Variants in MYLK observed in about 807,000 individuals in gnomAD.
The protein encoded by MYLK is myosin light chain kinase, also known as myosin light chain kinase, smooth muscle.
Under a neutral mutation model 203.4 loss-of-function variants are expected in MYLK, and 106 were observed. That is an observed-to-expected ratio of 0.52 (90% CI 0.45 to 0.61). The LOEUF (loss-of-function observed/expected upper bound fraction) is 0.61. MYLK is among the 20% of genes least tolerant of loss of function. The probability of loss-of-function intolerance (pLI) is 0.00; values close to 1 mark genes in which losing one functional copy is unlikely to be tolerated. For synonymous variants in MYLK, 867 were observed against 959.5 expected (o/e 0.90, Z 1.78); for missense variants, 2,072 against 2,442.3 (o/e 0.85, Z 3.20).
chr3:123,817,322 A>G (rs570106127), intron 3 of MYLK, among the ~76,000 whole-genome samples: 8 of 152,166 alleles, frequency 5.3e-5, no homozygotes, highest in Non-Finnish European at 1.2e-4. Flanking sequence ...ACTTCTGGGG[A>G]GTCTTTAGCC....
rs577381446 is a variant in MYLK at position 123,797,075 on chromosome 3, C to T, written c.-3-3231G>A. Among the ~76,000 whole-genome samples the T allele has an allele frequency of 5.9e-5, 9 of 152,030 alleles. No homozygotes were observed. The East Asian group carries it at 1.5e-3, about 26-fold the overall frequency. On this transcript the variant is annotated intron_variant, in intron 3 of 33. Transcript: ENST00000360304. ...AGGTGGTTTTATGGGTACATATTTA[C>T]AGGGAAAATAATGATAAGAATTTGA...
intron 3 of MYLK, among the ~76,000 whole-genome samples, chr3:123,828,382 G>C (rs1272163737): frequency 6.6e-6 from 1 of 152,054 alleles, no homozygotes; most frequent in Non-Finnish European, 1.5e-5. Context: ...AGATGGTGCT[G>C]GGAAAACTGG....
chr3:123,749,074 A>AATACATACATACATACATAC (rs60797453), intron 5 of MYLK, among the ~76,000 whole-genome samples: 3 of 142,244 alleles, frequency 2.1e-5, no homozygotes, highest in Admixed American at 7.1e-5. Flanking sequence ...GTCTCAGAAA[A>AATACATACATACATACATAC]ATACATACAT....
At chr3:123,703,009 C>T (rs919952968) in intron 16 of MYLK, among the ~76,000 whole-genome samples, 1 of 152,186 alleles carries the variant, frequency 6.6e-6, no homozygotes, top group Non-Finnish European at 1.5e-5. Context: ...ATCAACCATA[C>T]ACATGATGTA....
chr3:123,868,208 G>C (rs2032468943), intron 2 of MYLK, among the ~76,000 whole-genome samples: 1 of 152,102 alleles, frequency 6.6e-6, no homozygotes. Context: ...TTTTAAATGG[G>C]AACCATCCTT....
chr3:123,812,341 T>A (rs1490650393), intron 3 of MYLK, among the ~76,000 whole-genome samples: 1 of 152,206 alleles, frequency 6.6e-6, no homozygotes, highest in Admixed American at 6.5e-5. Flanking sequence ...AGTTTAAGAC[T>A]TTGCAGTGGT....
chr3:123,727,665 G>A (rs1049769438), intron 11 of MYLK, among the ~76,000 whole-genome samples: 1 of 152,202 alleles, frequency 6.6e-6, no homozygotes, highest in Non-Finnish European at 1.5e-5. Context: ...AGGGATGAAA[G>A]AGAGTGGAGG....
rs2108323798 is a variant in MYLK, at chr3:123,664,124, C to G, written c.3966G>C (p.Gln1322His). 1.9e-6 allele frequency: 3 copies of G among 1,614,058 alleles called. No individual in the cohort carries two copies. Among genetic ancestry groups the G allele is most frequent in the Middle Eastern group, 1.6e-4 (1 of 6,062 alleles). The change falls in exon 23 of 34, where the codon CAG (glutamine) becomes CAC (histidine). Residue 1322 changes from glutamine to histidine, a missense_variant. Physicochemically the swap from Gln to His is conservative, Grantham distance 24 (BLOSUM62 0). Coordinates refer to ENST00000360304, the MANE Select transcript of MYLK (RefSeq NM_053025.4). ...VENKLGSRQA[Q>H]VNLTVVDKPD... Reference sequence around the variant, plus strand: ...ACTCACCCACGACAGTGAGGTTGACCTGGGCCTGCCTGCTGCCCAGCTTGT... The same window carrying G: ...ACTCACCCACGACAGTGAGGTTGACGTGGGCCTGCCTGCTGCCCAGCTTGT...
chr3:123,792,521 T>C lies in MYLK; in HGVS notation c.165+1156A>G, dbSNP rs116384909. ...AGATATTCCTATTCTGGACATTTCA[T>C]ATAAATAGAATCCTATAATCAGTGG... On this transcript the variant is annotated intron_variant, in intron 4 of 33. Coordinates refer to ENST00000360304, the MANE Select transcript of MYLK (RefSeq NM_053025.4). 6.5e-3 allele frequency among the ~76,000 whole-genome samples: 996 copies of C among 152,314 alleles called. 19 individuals carry two copies. Among genetic ancestry groups the C allele is most frequent in the African/African-American group, 0.023 (965 of 41,560 alleles).
chr3:123,866,073 C>T (rs979434819), intron 2 of MYLK, among the ~76,000 whole-genome samples: 2 of 152,214 alleles, frequency 1.3e-5, no homozygotes, highest in Non-Finnish European at 2.9e-5. Flanking sequence ...ATGATCCAAG[C>T]CCCTAGCTGT....
intron 5 of MYLK, among the ~76,000 whole-genome samples, chr3:123,748,448 T>G (rs1384663538): frequency 1.3e-5 from 2 of 152,204 alleles, no homozygotes; most frequent in Non-Finnish European, 2.9e-5. Flanking sequence ...TAAACCTTGT[T>G]TATTCCTATT....
At chr3:123,765,190 T>A (rs770998034) in intron 4 of MYLK, among the ~76,000 whole-genome samples, 8 of 152,138 alleles carry the variant, frequency 5.3e-5, no homozygotes, top group Non-Finnish European at 8.8e-5. Context: ...GCAATTCCAC[T>A]TCTGAGCATA....
At chr3:123,797,846 C>T (rs2065044868) in intron 3 of MYLK, among the ~76,000 whole-genome samples, 1 of 152,222 alleles carries the variant, frequency 6.6e-6, no homozygotes, top group Non-Finnish European at 1.5e-5. Flanking sequence ...TGGCTGTCAA[C>T]ATCATTATCA....
chr3:123,623,462 C>T (rs1479267586), intron 31 of MYLK: 1 of 152,188 alleles, frequency 6.6e-6, no homozygotes, highest in Non-Finnish European at 1.5e-5. Context: ...TACCTTCTTT[C>T]GGAATAACTT....
chr3:123,760,134 G>T (rs1560182832), intron 4 of MYLK, among the ~76,000 whole-genome samples: 2 of 152,230 alleles, frequency 1.3e-5, no homozygotes, highest in South Asian at 2.1e-4. Context: ...GCAAAGTGCA[G>T]ATGATATCAG....
chr3:123,865,332 A>G (rs2032253899), intron 2 of MYLK, among the ~76,000 whole-genome samples: 1 of 152,088 alleles, frequency 6.6e-6, no homozygotes, highest in Non-Finnish European at 1.5e-5. Context: ...CTATCTCCAT[A>G]CTCATGTCTC....
chr3:123,788,371 T>C (rs1308701364), intron 4 of MYLK, among the ~76,000 whole-genome samples: 1 of 152,134 alleles, frequency 6.6e-6, no homozygotes, highest in Non-Finnish European at 1.5e-5. Context: ...TTCTCTTTTT[T>C]TTTTTGATTT....
chr3:123,736,629 T>C (rs1163231784), intron 8 of MYLK, among the ~76,000 whole-genome samples: 1 of 151,950 alleles, frequency 6.6e-6, no homozygotes, highest in East Asian at 1.9e-4. Flanking sequence ...GAAAGTCCAG[T>C]CTGGGTGTGA....
intron 2 of MYLK, among the ~76,000 whole-genome samples, chr3:123,866,379 A>T (rs2148700639): frequency 6.6e-6 from 1 of 152,292 alleles, no homozygotes; most frequent in East Asian, 1.9e-4. Context: ...CAAGTTTACC[A>T]CATCTTCATT....
Sources: allele counts gnomAD v4.1 joint callset (sites outside exome capture counted in the v4.1 genomes callset), GRCh38; gene constraint gnomAD v4.1.1; transcripts MANE v1.5; gene names NCBI Gene and HGNC (gene_info 2026-07-23, HGNC 2026-07-21).